PTPRR: variants seen among roughly 807,000 people sequenced by gnomAD.
The protein encoded by PTPRR is protein tyrosine phosphatase receptor type R.
In PTPRR, 38 loss-of-function variants were observed where a neutral mutation model predicts 77.2. The observed-to-expected ratio is 0.49, with a 90% confidence interval of 0.38 to 0.65. The LOEUF (loss-of-function observed/expected upper bound fraction) is 0.65, where lower values mean the gene tolerates loss of function less well. PTPRR is among the 30% of genes least tolerant of loss of function. PTPRR has a pLI of 0.00. For missense variants in PTPRR, 744 were observed against 799.2 expected, an observed-to-expected ratio of 0.93 and a Z score of 0.83; for synonymous variants, 299 against 283.1, an observed-to-expected ratio of 1.06 and a Z score of -0.57.
At chr12:70,692,430 T>G (rs535401369) in intron 8 of PTPRR, among the ~76,000 whole-genome samples, 1 of 152,274 alleles carries the variant, frequency 6.6e-6, no homozygotes, top group South Asian at 2.1e-4. Flanking sequence ...TTATTTAATT[T>G]TAATTCATTT....
intron 2 of PTPRR, among the ~76,000 whole-genome samples, chr12:70,877,214 A>G (rs1893066661): frequency 6.6e-6 from 1 of 152,172 alleles, no homozygotes; most frequent in Non-Finnish European, 1.5e-5. Context: ...TGTGTGATGC[A>G]CAGCTCCAGG....
intron 8 of PTPRR, among the ~76,000 whole-genome samples, chr12:70,685,575 G>C (rs777187681): frequency 6.6e-6 from 1 of 150,612 alleles, no homozygotes. Flanking sequence ...GCTTGAACCC[G>C]AAAGGCCAAG....
chr12:70,780,448 T>C (rs1449984407), intron 2 of PTPRR, among the ~76,000 whole-genome samples: 1 of 152,206 alleles, frequency 6.6e-6, no homozygotes, highest in African/African-American at 2.4e-5. Flanking sequence ...GATAGAAAAT[T>C]TATAAAATAT....
At chr12:70,649,324 T>C (rs1490749457) in intron 13 of PTPRR, among the ~76,000 whole-genome samples, 2 of 152,174 alleles carry the variant, frequency 1.3e-5, no homozygotes, top group Non-Finnish European at 2.9e-5. Context: ...TTCTTTGCTG[T>C]TAGCCATACC....
At chr12:70,781,638 C>G (rs555919182) in intron 2 of PTPRR, among the ~76,000 whole-genome samples, 1 of 152,172 alleles carries the variant, frequency 6.6e-6, no homozygotes, top group African/African-American at 2.4e-5. Context: ...TCTTAGTAAA[C>G]TAAAATTAGT....
rs114109690 is a variant in PTPRR, at chr12:70,751,150, C to T, written c.738+3041G>A. ...AGAACCATCTGAACACGCTCATCCTCATTCTGAACGTGTCCCTCTCCCAGG... is the reference window on the plus strand; with the variant it reads ...AGAACCATCTGAACACGCTCATCCTTATTCTGAACGTGTCCCTCTCCCAGG... On this transcript the variant is annotated intron_variant, in intron 5 of 13. Transcript: ENST00000283228. Among the ~76,000 whole-genome samples, 754 of 152,254 alleles carry T rather than the reference C, an allele frequency of 5.0e-3. 5 individuals carry two copies. Among genetic ancestry groups the T allele is most frequent in the African/African-American group, 0.016 (685 of 41,532 alleles).
intron 4 of PTPRR, among the ~76,000 whole-genome samples, chr12:70,758,451 A>T (rs1890612355): frequency 6.9e-6 from 1 of 145,882 alleles, no homozygotes; most frequent in African/African-American, 2.8e-5. Flanking sequence ...AGCCTTCAGA[A>T]TGGCTTTTAA....
At chr12:70,881,958 C>T (rs560274386) in intron 2 of PTPRR, among the ~76,000 whole-genome samples, 1 of 152,158 alleles carries the variant, frequency 6.6e-6, no homozygotes, top group Non-Finnish European at 1.5e-5. Context: ...TTTGTTTTCT[C>T]TTCTAAAGTA....
At chr12:70,886,612 A>G (rs2137110827) in intron 2 of PTPRR, among the ~76,000 whole-genome samples, 1 of 152,336 alleles carries the variant, frequency 6.6e-6, no homozygotes, top group Non-Finnish European at 1.5e-5. Context: ...GAAAGGTTAT[A>G]GATACAAAAC....
intron 12 of PTPRR, among the ~76,000 whole-genome samples, chr12:70,658,721 CTTT>C (rs78112860): frequency 7.2e-6 from 1 of 138,912 alleles, no homozygotes; most frequent in Admixed American, 7.3e-5. Flanking sequence ...GAAATACATC[CTTT>C]TTTTTTTTTT....
intron 1 of PTPRR, among the ~76,000 whole-genome samples, chr12:70,893,257 C>G (rs529996260): frequency 2.0e-5 from 3 of 152,052 alleles, no homozygotes; most frequent in African/African-American, 7.2e-5. Context: ...AAGAAATTTC[C>G]TCCTTTATCT....
rs1163075424 is a variant in PTPRR at position 70,638,102 on chromosome 12, A to G, written c.*1082T>C. 2 of 152,246 alleles carry G rather than the reference A, an allele frequency of 1.3e-5. No homozygotes were observed. The highest frequency in any genetic ancestry group is 1.9e-4 in the East Asian group (1 of 5,198). The allele number at this position is 152,246 out of a possible 1,614,324, so 9.4% of individuals were successfully genotyped here. ...TATTTAGTATTAAGAGTTTATTGGC[A>G]GTATGAAACAAAGTCAACATTGCTG... On this transcript the variant is annotated 3_prime_UTR_variant, in exon 14 of 14. Transcript: ENST00000283228.
intron 11 of PTPRR, among the ~76,000 whole-genome samples, chr12:70,661,739 A>G (rs1393756035): frequency 6.6e-6 from 1 of 152,176 alleles, no homozygotes; most frequent in East Asian, 1.9e-4. Flanking sequence ...TTCCTATTCC[A>G]AACTTCCCCG....
rs1891219784 is a variant in PTPRR at position 70,782,312 on chromosome 12, C to G, written c.358-17534G>C. On this transcript the variant is annotated intron_variant, in intron 2 of 13. Transcript: ENST00000283228. ...CTCAAGGATCTAGAACTAGAAATAC[C>G]ATTTGACCCAGCCATCCCATTACTG... is the stretch of plus-strand genomic sequence containing the variant. Among the ~76,000 whole-genome samples, 3 of 151,998 alleles carry G rather than the reference C, an allele frequency of 2.0e-5. No individual in the cohort carries two copies. The South Asian group carries it at 6.3e-4, about 32-fold the overall frequency.
At chr12:70,816,066 G>T (rs555344009) in intron 2 of PTPRR, among the ~76,000 whole-genome samples, 1 of 152,198 alleles carries the variant, frequency 6.6e-6, no homozygotes, top group South Asian at 2.1e-4. Flanking sequence ...GAGGACTGAG[G>T]GAGTGGCATT....
At chr12:70,715,456 AC>A (rs1455784546) in intron 6 of PTPRR, among the ~76,000 whole-genome samples, 2 of 152,118 alleles carry the variant, frequency 1.3e-5, no homozygotes, top group Non-Finnish European at 2.9e-5. Flanking sequence ...TTTGAGAGCA[AC>A]CGGTCTGACC....
chr12:70,814,635 C>T (rs993058089), intron 2 of PTPRR, among the ~76,000 whole-genome samples: 1 of 152,074 alleles, frequency 6.6e-6, no homozygotes, highest in African/African-American at 2.4e-5. Context: ...GGGGGCCGGC[C>T]CGGCTTTGGC....
chr12:70,676,270 G>A (rs1001471959), intron 10 of PTPRR, among the ~76,000 whole-genome samples: 2 of 151,658 alleles, frequency 1.3e-5, no homozygotes, highest in Non-Finnish European at 3.0e-5. Flanking sequence ...CTTGTTTGAT[G>A]CTAAACCTAT....
At chr12:70,888,018 A>ATGTGTGTGTGTGCC (rs111265856) in intron 2 of PTPRR, among the ~76,000 whole-genome samples, 8 of 150,868 alleles carry the variant, frequency 5.3e-5, no homozygotes, top group African/African-American at 1.9e-4. Context: ...GAATGTGTGT[A>ATGTGTGTGTGTGCC]TGTGTGTGTG....
Sources: gnomAD v4.1 joint callset for allele counts (sites outside exome capture counted in the v4.1 genomes callset) on GRCh38, gnomAD v4.1.1 for gene constraint, MANE v1.5 for transcripts, NCBI Gene and HGNC (gene_info 2026-07-23, HGNC 2026-07-21) for gene names.